CADM2: variants seen among roughly 807,000 people sequenced by gnomAD.
CADM2 encodes immunoglobulin superfamily member 4D.
In CADM2, 12 loss-of-function variants were observed where a neutral mutation model predicts 49.8. The observed-to-expected ratio is 0.24, with a 90% CI of 0.15 to 0.39. The LOEUF (loss-of-function observed/expected upper bound fraction) is 0.39, where lower values mean the gene tolerates loss of function less well. Ranked by LOEUF, CADM2 falls within the 10% of genes least tolerant of loss-of-function variation. The probability of loss-of-function intolerance (pLI) is 1.00; values close to 1 mark genes in which losing one functional copy is unlikely to be tolerated. For missense variants in CADM2, 378 were observed against 492.3 expected (o/e 0.77, Z 2.20); for synonymous variants, 214 against 175.4 (o/e 1.22, Z -1.74).
intron 1 of CADM2, among the ~76,000 whole-genome samples, chr3:85,243,421 A>T (rs916196144): frequency 6.6e-6 from 1 of 152,080 alleles, no homozygotes; most frequent in Non-Finnish European, 1.5e-5. Context: ...TCACTTAGGT[A>T]TGTGCCCAAC....
chr3:85,288,281 G>A (rs1327462078), intron 1 of CADM2, among the ~76,000 whole-genome samples: 1 of 151,942 alleles, frequency 6.6e-6, no homozygotes, highest in Non-Finnish European at 1.5e-5. Flanking sequence ...AGTGTATATG[G>A]AATTATGAGT....
chr3:86,044,056 A>T (rs2324976), intron 8 of CADM2, among the ~76,000 whole-genome samples: 2 of 151,944 alleles, frequency 1.3e-5, no homozygotes, highest in Non-Finnish European at 2.9e-5. Flanking sequence ...ATACAAAAAT[A>T]AATTCAAGAT....
intron 2 of CADM2, among the ~76,000 whole-genome samples, chr3:85,743,050 A>G (rs193206822): frequency 2.0e-5 from 3 of 152,220 alleles, no homozygotes; most frequent in Admixed American, 6.5e-5. Context: ...TGGGTGGTTT[A>G]TGTAAATAAC....
At chr3:85,777,457 A>G (rs1371452913) in intron 2 of CADM2, among the ~76,000 whole-genome samples, 1 of 151,676 alleles carries the variant, frequency 6.6e-6, no homozygotes, top group Non-Finnish European at 1.5e-5. Flanking sequence ...GTTTCTACTC[A>G]TTTGCCAGGC....
At chr3:85,618,459 C>A (rs1186045552) in intron 1 of CADM2, among the ~76,000 whole-genome samples, 1 of 152,048 alleles carries the variant, frequency 6.6e-6, no homozygotes, top group Non-Finnish European at 1.5e-5. Context: ...GCATATCTAA[C>A]AAGGTAAATA....
chr3:85,460,695 T>C (rs1576596146), intron 1 of CADM2, among the ~76,000 whole-genome samples: 1 of 151,826 alleles, frequency 6.6e-6, no homozygotes, highest in Non-Finnish European at 1.5e-5. Context: ...AACTACTATG[T>C]TTGGAATTAT....
intron 1 of CADM2, among the ~76,000 whole-genome samples, chr3:85,210,950 A>C (rs1485619919): frequency 6.6e-6 from 1 of 152,170 alleles, no homozygotes; most frequent in East Asian, 1.9e-4. Context: ...TTATGGCCTC[A>C]ATCTCATTAC....
intron 1 of CADM2, among the ~76,000 whole-genome samples, chr3:85,001,984 T>A (rs2033488194): frequency 6.6e-6 from 1 of 152,044 alleles, no homozygotes; most frequent in African/African-American, 2.4e-5. Context: ...GCCAAGAAAA[T>A]CTGGGGGTGT....
At chr3:86,004,032 C>G (rs1016329476) in intron 8 of CADM2, among the ~76,000 whole-genome samples, 2 of 151,936 alleles carry the variant, frequency 1.3e-5, no homozygotes, top group Non-Finnish European at 2.9e-5. Flanking sequence ...GACCATGGAT[C>G]CTTTGCTCTA....
At chr3:85,045,837 A>G (rs2035633076) in intron 1 of CADM2, among the ~76,000 whole-genome samples, 1 of 152,118 alleles carries the variant, frequency 6.6e-6, no homozygotes, top group Middle Eastern at 3.2e-3. Flanking sequence ...CATTGGAAAA[A>G]GGTTCATATA....
intron 8 of CADM2, among the ~76,000 whole-genome samples, chr3:85,985,045 C>G (rs1272232440): frequency 6.6e-6 from 1 of 151,878 alleles, no homozygotes; most frequent in East Asian, 1.9e-4. Context: ...AAGATGTGTA[C>G]TCAATTCTTA....
chr3:85,435,275 T>C (rs910936195), intron 1 of CADM2, among the ~76,000 whole-genome samples: 1 of 152,106 alleles, frequency 6.6e-6, no homozygotes, highest in African/African-American at 2.4e-5. Flanking sequence ...GTGTTTGGTT[T>C]CCTGTTCCTC....
At chr3:85,937,422 C>T (rs1352502528) in intron 7 of CADM2, among the ~76,000 whole-genome samples, 1 of 151,772 alleles carries the variant, frequency 6.6e-6, no homozygotes, top group Non-Finnish European at 1.5e-5. Context: ...AGAAAGGCTC[C>T]CTATTTTACG....
chr3:85,955,156 C>G (rs1723901499), intron 7 of CADM2, among the ~76,000 whole-genome samples: 1 of 151,148 alleles, frequency 6.6e-6, no homozygotes, highest in Admixed American at 6.6e-5. Flanking sequence ...TAAGATAGAA[C>G]AAGATGTTGT....
intron 1 of CADM2, among the ~76,000 whole-genome samples, chr3:85,252,789 T>C (rs932537482): frequency 3.9e-5 from 6 of 152,136 alleles, no homozygotes; most frequent in Non-Finnish European, 8.8e-5. Context: ...GTCAGCCTTA[T>C]CTGCTCTATC....
In CADM2 at chr3:86,033,703, TTA is replaced by T. The variant is rs58168936; in HGVS notation, c.971-31885_971-31884del. 2.8e-3 allele frequency among the ~76,000 whole-genome samples: 398 copies of T among 142,668 alleles called. 1 individual carries two copies. Among genetic ancestry groups the T allele is most frequent in the African/African-American group, 6.6e-3 (259 of 39,416 alleles). 93.6% of individuals were successfully genotyped at this position (142,668 alleles called of 152,430 possible). A position where few individuals can be genotyped will look rare whatever the true frequency, so the allele number is the denominator to read the frequency against. On this transcript the variant is annotated intron_variant, in intron 8 of 9. Transcript: ENST00000383699. ...TATATATATGAGATAGTTATTTGTT[TTA>T]TATATATATATATATAAACTTGAAG...
intron 1 of CADM2, among the ~76,000 whole-genome samples, chr3:85,098,495 C>T (rs1239939433): frequency 1.3e-5 from 2 of 152,048 alleles, no homozygotes; most frequent in South Asian, 2.1e-4. Context: ...TCAAAAATTG[C>T]CTTCCAACTA....
At chr3:85,869,466 G>A (rs531251097) in intron 3 of CADM2, among the ~76,000 whole-genome samples, 7 of 152,016 alleles carry the variant, frequency 4.6e-5, no homozygotes, top group African/African-American at 1.7e-4. Flanking sequence ...AAATGTATTA[G>A]TTCTTAGCCC....
intron 1 of CADM2, among the ~76,000 whole-genome samples, chr3:85,067,455 C>T (rs1175511723): frequency 2.6e-5 from 4 of 152,066 alleles, no homozygotes; most frequent in African/African-American, 9.7e-5. Context: ...TTATGAAATA[C>T]ATTCATAATT....
Sources: allele counts gnomAD v4.1 joint callset (sites outside exome capture counted in the v4.1 genomes callset), GRCh38; gene constraint gnomAD v4.1.1; transcripts MANE v1.5; gene names NCBI Gene and HGNC (gene_info 2026-07-23, HGNC 2026-07-21).